PALM2AKAP2: variants seen among roughly 807,000 people sequenced by gnomAD.
PALM2AKAP2 encodes the protein PALM2-AKAP2 fusion protein.
PALM2AKAP2 carries 37 observed loss-of-function variants against 71.5 expected under a neutral mutation model. The ratio of observed to expected loss-of-function variants is 0.52; its 90% CI spans 0.40 to 0.68. PALM2AKAP2 has a LOEUF of 0.68. Among genes scored for constraint, PALM2AKAP2 ranks in the 30% least tolerant of loss-of-function variants. PALM2AKAP2 has a pLI of 0.00. For missense variants in PALM2AKAP2, 1,224 were observed against 1,191.8 expected (o/e 1.03, Z -0.40); for synonymous variants, 468 against 478.8 (o/e 0.98, Z 0.29).
chr9:109,890,805 A>G (rs1830071208), intron 3 of PALM2AKAP2, among the ~76,000 whole-genome samples: 1 of 152,234 alleles, frequency 6.6e-6, no homozygotes, highest in East Asian at 1.9e-4. Flanking sequence ...ACCTGAGGCC[A>G]CACGCAGAGT....
At chr9:109,712,646 G>C (rs537605685) in intron 1 of PALM2AKAP2, among the ~76,000 whole-genome samples, 2 of 152,220 alleles carry the variant, frequency 1.3e-5, no homozygotes, top group Non-Finnish European at 2.9e-5. Context: ...CAAGCCAATG[G>C]CTTTTTCTTT....
chr9:109,950,854 T>A (rs966860240), intron 6 of PALM2AKAP2, among the ~76,000 whole-genome samples: 1 of 152,184 alleles, frequency 6.6e-6, no homozygotes, highest in South Asian at 2.1e-4. Flanking sequence ...TTTACTCTAA[T>A]CTCTTATTAC....
chr9:109,925,020 C>G lies in PALM2AKAP2; in HGVS notation c.373-41C>G, dbSNP rs56677268. Reference sequence around the variant, plus strand: ...ATGGGAAAAGATGGGATTGTACCCCCACATGTAGAGTAACGCTCTGCCTTG... The same window carrying G: ...ATGGGAAAAGATGGGATTGTACCCCGACATGTAGAGTAACGCTCTGCCTTG... On this transcript the variant is annotated intron_variant, in intron 4 of 9. Coordinates refer to the PALM2AKAP2 transcript ENST00000302798. The G allele has an allele frequency of 2.6e-3, 4,189 of 1,613,976 alleles. 98 individuals carry two copies. In the African/African-American group the frequency reaches 0.047, roughly 18 times the overall value.
In PALM2AKAP2 at chr9:109,958,158, A is replaced by G. The variant is rs75712942; in HGVS notation, c.496+26130A>G. 4.0e-3 allele frequency among the ~76,000 whole-genome samples: 603 copies of G among 151,414 alleles called. 6 individuals carry two copies. Among genetic ancestry groups the G allele is most frequent in the African/African-American group, 0.014 (591 of 41,450 alleles). On this transcript the variant is annotated intron_variant, in intron 6 of 9. Transcript: ENST00000302798. ...AGGCAGTTGATTGAAAAAAAAAAAC[A>G]GCAGAAAAAGAAACAGATGGAGAAA... is the stretch of plus-strand genomic sequence containing the variant.
At chr9:109,710,371 A>G (rs963158110) in intron 1 of PALM2AKAP2, among the ~76,000 whole-genome samples, 1 of 152,232 alleles carries the variant, frequency 6.6e-6, no homozygotes, top group South Asian at 2.1e-4. Context: ...GCAAGGCACA[A>G]ACTACACCAC....
At chr9:109,982,820 A>G (rs2132202571) in intron 6 of PALM2AKAP2, among the ~76,000 whole-genome samples, 1 of 152,276 alleles carries the variant, frequency 6.6e-6, no homozygotes, top group South Asian at 2.1e-4. Flanking sequence ...ATGGGGTCTC[A>G]CTATGGTTGC....
At chr9:110,058,074 T>C (rs1041611839) in intron 1 of PALM2AKAP2, among the ~76,000 whole-genome samples, 1 of 152,122 alleles carries the variant, frequency 6.6e-6, no homozygotes, top group South Asian at 2.1e-4. Flanking sequence ...AACAAAGAAT[T>C]ATCCTGCACA....
At chr9:109,659,212 A>G (rs1051910469) in intron 1 of PALM2AKAP2, among the ~76,000 whole-genome samples, 3 of 152,228 alleles carry the variant, frequency 2.0e-5, no homozygotes, top group Admixed American at 2.0e-4. Flanking sequence ...ATTTTTAAAC[A>G]GCTTTTTTGA....
At chr9:109,927,285 C>A (rs182675516) in intron 5 of PALM2AKAP2, among the ~76,000 whole-genome samples, 2 of 152,290 alleles carry the variant, frequency 1.3e-5, no homozygotes, top group East Asian at 3.9e-4. Flanking sequence ...AAGCACATCC[C>A]AGTTGAGGGA....
chr9:110,003,137 T>G (rs559781698), intron 6 of PALM2AKAP2, among the ~76,000 whole-genome samples: 19 of 152,302 alleles, frequency 1.2e-4, no homozygotes, highest in African/African-American at 2.4e-4. Flanking sequence ...GTGTCAATTT[T>G]AGATCTTTCC....
chr9:109,863,367 CT>C (rs1328854388), intron 1 of PALM2AKAP2, among the ~76,000 whole-genome samples: 1 of 152,132 alleles, frequency 6.6e-6, no homozygotes, highest in African/African-American at 2.4e-5. Flanking sequence ...ACTTAGATTT[CT>C]GACTTAAGTA....
At chr9:109,662,091 A>G (rs374025142) in intron 1 of PALM2AKAP2, among the ~76,000 whole-genome samples, 6 of 152,196 alleles carry the variant, frequency 3.9e-5, no homozygotes, top group Non-Finnish European at 7.3e-5. Flanking sequence ...TTTTCTAAAT[A>G]TACAATCATG....
intron 1 of PALM2AKAP2, among the ~76,000 whole-genome samples, chr9:110,102,435 G>T (rs1187856578): frequency 1.3e-5 from 2 of 152,192 alleles, no homozygotes; most frequent in Non-Finnish European, 2.9e-5. Flanking sequence ...TGTTGACCTT[G>T]TATGTTTTTT....
At chr9:109,970,262 A>AT (rs1269714129) in intron 6 of PALM2AKAP2, among the ~76,000 whole-genome samples, 1 of 152,212 alleles carries the variant, frequency 6.6e-6, no homozygotes, top group African/African-American at 2.4e-5. Flanking sequence ...ACAGGTACTG[A>AT]TTTTTTATTA....
At chr9:109,721,598 C>A (rs1828405672) in intron 1 of PALM2AKAP2, among the ~76,000 whole-genome samples, 1 of 152,140 alleles carries the variant, frequency 6.6e-6, no homozygotes, top group Non-Finnish European at 1.5e-5. Flanking sequence ...GGCTAATTAG[C>A]CAACTTCATC....
chr9:110,004,360 C>T (rs1408511724), intron 6 of PALM2AKAP2, among the ~76,000 whole-genome samples: 1 of 152,154 alleles, frequency 6.6e-6, no homozygotes, highest in Admixed American at 6.5e-5. Context: ...TATTGGCCCC[C>T]ACTCTCTCCT....
intron 6 of PALM2AKAP2, chr9:109,943,288 G>A: frequency 6.2e-7 from 1 of 1,614,240 alleles, no homozygotes; most frequent in Non-Finnish European, 8.5e-7. Flanking sequence ...CGGGAACGCG[G>A]CTGAGCTTGT....
chr9:109,898,794 C>T (rs545108726), intron 3 of PALM2AKAP2, among the ~76,000 whole-genome samples: 21 of 152,326 alleles, frequency 1.4e-4, no homozygotes, highest in Middle Eastern at 3.4e-3. Flanking sequence ...GTCCCATTCA[C>T]TCTCCTACAC....
chr9:109,925,178 G>T (rs1830928546), intron 5 of PALM2AKAP2, 96 bp downstream of exon 5: 1 of 1,573,262 alleles, frequency 6.4e-7, no homozygotes, highest in South Asian at 1.1e-5. Context: ...GTACTGTGTT[G>T]ATTTGTAAAG....
Sources: allele counts gnomAD v4.1 joint callset (sites outside exome capture counted in the v4.1 genomes callset), GRCh38; gene constraint gnomAD v4.1.1; transcripts MANE v1.5; gene names NCBI Gene and HGNC (gene_info 2026-07-23, HGNC 2026-07-21).